FRAS1: variants seen among roughly 807,000 people sequenced by gnomAD.
FRAS1 encodes the protein extracellular matrix organizing protein FRAS1.
FRAS1 carries 290 observed loss-of-function variants against 435.2 expected under a neutral mutation model. The observed-to-expected ratio is 0.67, with a 90% confidence interval of 0.61 to 0.73. The LOEUF is 0.73. Among genes scored for constraint, FRAS1 ranks in the 30% least tolerant of loss-of-function variants. FRAS1 has a pLI of 0.00. For missense variants in FRAS1, 4,860 were observed against 5,001.5 expected, an observed-to-expected ratio of 0.97 and a Z score of 0.85; for synonymous variants, 1,800 against 1,851.0, an observed-to-expected ratio of 0.97 and a Z score of 0.71.
chr4:78,062,595 G>T (rs1243972070), intron 1 of FRAS1, among the ~76,000 whole-genome samples: 1 of 152,018 alleles, frequency 6.6e-6, no homozygotes, highest in Non-Finnish European at 1.5e-5. Flanking sequence ...TTTACCAACG[G>T]TTTCAGAATA....
chr4:78,408,311 A>G (rs949784776), intron 31 of FRAS1, among the ~76,000 whole-genome samples: 7 of 152,156 alleles, frequency 4.6e-5, no homozygotes, highest in Non-Finnish European at 7.3e-5. Flanking sequence ...TATGGATTCC[A>G]TATCAGTGGA....
chr4:78,197,238 G>C (rs1383511858), intron 2 of FRAS1, among the ~76,000 whole-genome samples: 1 of 152,086 alleles, frequency 6.6e-6, no homozygotes, highest in East Asian at 1.9e-4. Flanking sequence ...TTGAAATCCT[G>C]GTTCTACCAC....
At chr4:78,523,439 G>C (rs1721447856) in intron 69 of FRAS1, among the ~76,000 whole-genome samples, 1 of 151,996 alleles carries the variant, frequency 6.6e-6, no homozygotes, top group Non-Finnish European at 1.5e-5. Context: ...AGGTAGAATA[G>C]GAATTTAACA....
At position 78,255,263 on chromosome 4, in the gene FRAS1, A is replaced by G. The variant is rs758192740; in HGVS notation, c.491A>G (p.His164Arg). ...GLGKPCSYEG[H>R]VFQDGEDWRL... ...CCAGAACCCTGTTCCTATGAAGGCCATGTGTTTCAGGATGGGGAGGACTGG... is the reference window on the plus strand; with the variant it reads ...CCAGAACCCTGTTCCTATGAAGGCCGTGTGTTTCAGGATGGGGAGGACTGG... Residue 164 changes from histidine to arginine, a missense_variant, in exon 6 of 74, where the codon CAT becomes CGT. His to Arg is a conservative substitution (Grantham distance 29). Coordinates refer to ENST00000512123, the MANE Select transcript of FRAS1 (RefSeq NM_025074.7). 8 of 1,552,962 alleles carry G rather than the reference A, an allele frequency of 5.2e-6. No homozygotes were observed. In the Admixed American group the frequency reaches 7.8e-5, roughly 15 times the overall value.
rs771927409 is a variant in FRAS1 at position 78,266,788 on chromosome 4, A to G, written c.688-46A>G. On this transcript the variant is annotated intron_variant, in intron 7 of 73. Transcript: ENST00000512123. ...ATGTGACAGTGCTTCTATTTGATGTATGGGACATTTGATTTTCCATGTTCT... is the reference window on the plus strand; with the variant it reads ...ATGTGACAGTGCTTCTATTTGATGTGTGGGACATTTGATTTTCCATGTTCT... The G allele has an allele frequency of 2.1e-6, 3 of 1,409,596 alleles. No individual in the cohort carries two copies. In the South Asian group the frequency reaches 3.7e-5, roughly 17 times the overall value. 87.3% of individuals were successfully genotyped at this position (1,409,596 alleles called of 1,614,324 possible).
At chr4:78,283,080 G>T in intron 12 of FRAS1, 113 bp downstream of exon 12, 6 of 780,034 alleles carry the variant, frequency 7.7e-6, no homozygotes, top group South Asian at 7.4e-5. Context: ...TTAACCAATG[G>T]GTTTGTTTGT....
At chr4:78,141,434 G>A (rs569205088) in intron 2 of FRAS1, among the ~76,000 whole-genome samples, 17 of 152,132 alleles carry the variant, frequency 1.1e-4, no homozygotes, top group Non-Finnish European at 2.1e-4. Context: ...GGCAGACTAT[G>A]TTATTTTGAA....
At chr4:78,280,138 C>A (rs549209069) in intron 10 of FRAS1, among the ~76,000 whole-genome samples, 22 of 152,260 alleles carry the variant, frequency 1.4e-4, no homozygotes, top group African/African-American at 5.1e-4. Flanking sequence ...CTTATTAAGT[C>A]AAGAACTTTC....
chr4:78,251,533 A>C (rs984241674), intron 4 of FRAS1, among the ~76,000 whole-genome samples: 1 of 152,118 alleles, frequency 6.6e-6, no homozygotes, highest in Non-Finnish European at 1.5e-5. Flanking sequence ...GAACTTGTTC[A>C]TCTTATAGCT....
At chr4:78,335,968 TA>T (rs544680614) in intron 19 of FRAS1, among the ~76,000 whole-genome samples, 206 of 151,748 alleles carry the variant, frequency 1.4e-3, no homozygotes, top group Non-Finnish European at 1.2e-3. Flanking sequence ...CTTTTATTTC[TA>T]AAAAATAGAC....
At chr4:78,339,614 A>G (rs921002424) in intron 20 of FRAS1, among the ~76,000 whole-genome samples, 13 of 152,244 alleles carry the variant, frequency 8.5e-5, no homozygotes, top group African/African-American at 1.9e-4. Context: ...TGGTTTCACC[A>G]GGAGACAGGC....
At chr4:78,321,099 A>C (rs1308875120) in intron 18 of FRAS1, among the ~76,000 whole-genome samples, 1 of 152,224 alleles carries the variant, frequency 6.6e-6, no homozygotes, top group Admixed American at 6.5e-5. Context: ...ATAAATAAAA[A>C]TTAGAGTGAC....
At chr4:78,067,003 C>A (rs1740070966) in intron 2 of FRAS1, among the ~76,000 whole-genome samples, 1 of 152,000 alleles carries the variant, frequency 6.6e-6, no homozygotes, top group African/African-American at 2.4e-5. Flanking sequence ...TTTGTCATTC[C>A]ATATCCTGCC....
rs529187621 is a variant in FRAS1 at position 78,078,489 on chromosome 4, T to G, written c.108+12473T>G. On this transcript the variant is annotated intron_variant, in intron 2 of 73. Coordinates refer to ENST00000512123, the MANE Select transcript of FRAS1 (RefSeq NM_025074.7). ...CATTTAGTTTGAGAATGATTAATTT[T>G]TAAAAGTTGATGGAATAGAAGATGG... Among the ~76,000 whole-genome samples the G allele has an allele frequency of 4.7e-4, 71 of 152,258 alleles. 1 individual carries two copies. The highest frequency in any genetic ancestry group is 3.4e-3 in the Middle Eastern group (1 of 292).
At chr4:78,324,072 A>G (rs1729621852) in intron 18 of FRAS1, among the ~76,000 whole-genome samples, 1 of 152,238 alleles carries the variant, frequency 6.6e-6, no homozygotes, top group Non-Finnish European at 1.5e-5. Flanking sequence ...GAAGCAGCAT[A>G]TCACTTCAGC....
At chr4:78,512,149 G>A (rs1282915508) in intron 64 of FRAS1, among the ~76,000 whole-genome samples, 2 of 152,020 alleles carry the variant, frequency 1.3e-5, no homozygotes, top group Non-Finnish European at 2.9e-5. Flanking sequence ...TTTTTTCTGG[G>A]CCACCATGAT....
intron 47 of FRAS1, among the ~76,000 whole-genome samples, chr4:78,460,093 C>T (rs896928865): frequency 2.6e-5 from 4 of 152,180 alleles, no homozygotes; most frequent in Non-Finnish European, 5.9e-5. Context: ...GAGTCTCCCA[C>T]AGGATGAGCT....
At chr4:78,218,794 G>T (rs1723917768) in intron 2 of FRAS1, among the ~76,000 whole-genome samples, 1 of 152,200 alleles carries the variant, frequency 6.6e-6, no homozygotes, top group Non-Finnish European at 1.5e-5. Flanking sequence ...TGGGAGATTA[G>T]TGAGAAGGTG....
At chr4:78,371,027 A>G (rs545246373) in intron 23 of FRAS1, among the ~76,000 whole-genome samples, 2 of 150,022 alleles carry the variant, frequency 1.3e-5, no homozygotes, top group South Asian at 4.2e-4. Context: ...AAGAAATTCT[A>G]CTTCGTTGTC....
Sources: allele counts gnomAD v4.1 joint callset (sites outside exome capture counted in the v4.1 genomes callset), GRCh38; gene constraint gnomAD v4.1.1; transcripts MANE v1.5; gene names NCBI Gene and HGNC (gene_info 2026-07-23, HGNC 2026-07-21).